MORN1: variants seen among roughly 807,000 people sequenced by gnomAD.
The protein encoded by MORN1 is MORN repeat-containing protein 1.
A neutral mutation model predicts 61.9 loss-of-function variants in MORN1; 67 were observed. That is an observed-to-expected ratio of 1.08 (90% CI 0.89 to 1.33). The LOEUF (loss-of-function observed/expected upper bound fraction) is 1.33. MORN1 is among the 40% of genes most tolerant of loss of function. MORN1 has a pLI of 0.00. For synonymous variants in MORN1, 301 were observed against 292.0 expected (o/e 1.03, Z -0.31); for missense variants, 752 against 691.2 (o/e 1.09, Z -0.99).
intron 1 of MORN1, 106 bp downstream of exon 1, chr1:2,391,352 C>T (rs1642657513): frequency 5.0e-6 from 6 of 1,206,542 alleles, no homozygotes; most frequent in Non-Finnish European, 6.3e-6. Context: ...GCACCTGGAC[C>T]TCTACTTTCC....
Position 2,372,547 on chromosome 1 carries a change from C to G in MORN1, c.679G>C (p.Val227Leu). The change falls in exon 8 of 14, where the codon GTG (valine) becomes CTG (leucine). Residue 227 changes from valine to leucine, a missense_variant. By Grantham distance (32) the Val-to-Leu change is conservative (BLOSUM62 1). Coordinates refer to ENST00000378531, the MANE Select transcript of MORN1 (RefSeq NM_024848.3). This position sits in a 1 kb window ranked among gnomAD's most constrained non-coding sequence, Gnocchi z 5.4. ...IVILGPEVMEVAQGSPFSVNV... is the reference protein window; with the variant it reads ...IVILGPEVMELAQGSPFSVNV... Reference sequence around the variant, plus strand: ...ACCGAGAAGGGAGACCCTTGGGCCACTTCCATCACCTCCGGACCCAAGATC... The same window carrying G: ...ACCGAGAAGGGAGACCCTTGGGCCAGTTCCATCACCTCCGGACCCAAGATC... 1 of 1,613,840 alleles carries G rather than the reference C, an allele frequency of 6.2e-7. No individual in the cohort carries two copies.
intron 13 of MORN1, chr1:2,322,351 G>A (rs553135770): frequency 1.6e-4 from 153 of 985,454 alleles, no homozygotes; most frequent in East Asian, 1.1e-3. Context: ...GAATGCGGCC[G>A]CAGCTGAAAT....
In MORN1 at chr1:2,347,481, C is replaced by T. The variant is rs569165081; in HGVS notation, c.1036+9951G>A. 3.5e-4 allele frequency among the ~76,000 whole-genome samples: 54 copies of T among 152,276 alleles called. No homozygotes were observed. In the South Asian group the frequency reaches 9.3e-3, roughly 26 times the overall value. ...CCAGGGGACACCAGGGAGGAGGATC[C>T]CGAGTGGCTGAGACCCTGGCATCTG... On this transcript the variant is annotated intron_variant, in intron 10 of 13. Coordinates refer to ENST00000378531, the MANE Select transcript of MORN1 (RefSeq NM_024848.3).
At chr1:2,391,372 A>G in intron 1 of MORN1, 86 bp downstream of exon 1, 1 of 1,234,470 alleles carries the variant, frequency 8.1e-7, no homozygotes, top group Non-Finnish European at 1.0e-6. Flanking sequence ...CGAGGTGAGC[A>G]TTTGGGGGTC....
At position 2,336,758 on chromosome 1, in the gene MORN1, G is replaced by A. The variant is rs1395525375; in HGVS notation, c.1129C>T (p.Pro377Ser). 1.2e-6 allele frequency: 2 copies of A among 1,601,176 alleles called. No homozygotes were observed. Among genetic ancestry groups the A allele is most frequent in the African/African-American group, 1.3e-5 (1 of 74,768 alleles). ...FTDVLLGPPP[P>S]GYHPFLFLDS... ...AGGAACAGGAAGGGGTGGTACCCAG[G>A]CGGGGGCGGCCCCAGGAGGACATCT... Residue 377 changes from proline to serine, a missense_variant, in exon 11 of 14, where the codon CCT (proline) becomes TCT (serine). Physicochemically the swap from Pro to Ser is moderately conservative, Grantham distance 74 (BLOSUM62 -1). Coordinates refer to ENST00000378531, the MANE Select transcript of MORN1 (RefSeq NM_024848.3).
chr1:2,348,721 G>GCACGCACACACACGCACGCA (rs1369854720), intron 10 of MORN1, among the ~76,000 whole-genome samples: 1 of 13,894 alleles, frequency 7.2e-5, no homozygotes, highest in Non-Finnish European at 1.3e-4. Flanking sequence ...ACCTGCGCGG[G>GCACGCACACACACGCACGCA]CACGCACACG....
Position 2,334,424 on chromosome 1 carries a change from A to G in MORN1, c.1250+2045T>C, listed in dbSNP as rs1356488094. ...CACCTCCATGCTGGGTTCTCAACCCAGGAGCGGGCAGAGCTTACGGAGAGT... is the reference window on the plus strand; with the variant it reads ...CACCTCCATGCTGGGTTCTCAACCCGGGAGCGGGCAGAGCTTACGGAGAGT... On this transcript the variant is annotated intron_variant, in intron 12 of 13. Transcript: ENST00000378531. The surrounding 1 kb of genome is among the most constrained non-coding windows in gnomAD (Gnocchi z 5.4). Among the ~76,000 whole-genome samples the G allele has an allele frequency of 6.6e-6, 1 of 152,208 alleles. No homozygotes were observed. Among genetic ancestry groups the G allele is most frequent in the Admixed American group, 6.5e-5 (1 of 15,280 alleles).
At chr1:2,348,143 G>A (rs766489566) in intron 10 of MORN1, among the ~76,000 whole-genome samples, 6 of 152,188 alleles carry the variant, frequency 3.9e-5, no homozygotes, top group Non-Finnish European at 8.8e-5. Context: ...GAACATTCCC[G>A]GGCCTTTCCC....
chr1:2,373,450 C>T (rs1389345377), intron 7 of MORN1, among the ~76,000 whole-genome samples: 2 of 152,198 alleles, frequency 1.3e-5, no homozygotes, highest in African/African-American at 2.4e-5. Flanking sequence ...CCTCTTGCCC[C>T]GTTTTTCCCA....
At chr1:2,382,947 G>A (rs1281795539) in intron 6 of MORN1, among the ~76,000 whole-genome samples, 1 of 152,112 alleles carries the variant, frequency 6.6e-6, no homozygotes, top group Non-Finnish European at 1.5e-5. Flanking sequence ...TGCATGCGGA[G>A]GGGAGCCACA....
chr1:2,348,622 C>CGCACGCACACACGCACCTGCGCAG (rs70954597), intron 10 of MORN1, among the ~76,000 whole-genome samples: 6,042 of 150,420 alleles, frequency 0.04, 226 homozygotes, highest in Non-Finnish European at 0.066. Context: ...TAGGCAGGCA[C>CGCACGCACACACGCACCTGCGCAG]GCACGCACAC....
intron 10 of MORN1, among the ~76,000 whole-genome samples, chr1:2,341,464 A>G (rs2843139): frequency 0.87 from 132,063 of 152,174 alleles, 57,584 homozygotes; most frequent in Middle Eastern, 0.95. Flanking sequence ...AGGCCAAAGC[A>G]GGCGGATCAG....
intron 8 of MORN1, chr1:2,371,567 G>A (rs939918994): frequency 6.6e-6 from 1 of 152,294 alleles, no homozygotes; most frequent in African/African-American, 2.4e-5. Flanking sequence ...TGCATTACTG[G>A]TGGGACTGTA....
chr1:2,376,620 T>C (rs1229736592), intron 6 of MORN1: 1 of 152,108 alleles, frequency 6.6e-6, no homozygotes, highest in East Asian at 1.9e-4. Context: ...CTCCCATGGT[T>C]GGTCTGGGGC....
chr1:2,389,844 C>G (rs966951764), intron 2 of MORN1, 81 bp downstream of exon 2: 1 of 1,297,086 alleles, frequency 7.7e-7, no homozygotes, highest in African/African-American at 1.5e-5. Context: ...ATGCCACTTG[C>G]CCACCCAACC....
chr1:2,378,127 T>TCCCA (rs1411654591), intron 6 of MORN1: 1 of 152,370 alleles, frequency 6.6e-6, no homozygotes, highest in Non-Finnish European at 1.5e-5. Flanking sequence ...ACCTCGCTGG[T>TCCCA]CCCATCGCAA....
chr1:2,364,849 T>G (rs1187382310), intron 8 of MORN1, among the ~76,000 whole-genome samples: 4 of 152,136 alleles, frequency 2.6e-5, no homozygotes, highest in African/African-American at 9.7e-5. Context: ...TTTCTCAGGT[T>G]TGTCAAAGAT....
At chr1:2,382,981 C>A (rs560669100) in intron 6 of MORN1, among the ~76,000 whole-genome samples, 1 of 152,282 alleles carries the variant, frequency 6.6e-6, no homozygotes, top group South Asian at 2.1e-4. Context: ...CTGACCACCC[C>A]TCCAGGGGCC....
chr1:2,325,146 C>CCCTTCCTTCCCTCCCTTCCTTCCCTT (rs1640988574), intron 12 of MORN1, among the ~76,000 whole-genome samples: 1 of 19,410 alleles, frequency 5.2e-5, no homozygotes, highest in Non-Finnish European at 9.8e-5. Flanking sequence ...CTCCCTCCCT[C>CCCTTCCTTCCCTCCCTTCCTTCCCTT]CCTTCCTTCC....
Sources: allele counts gnomAD v4.1 joint callset (sites outside exome capture counted in the v4.1 genomes callset), GRCh38; gene constraint gnomAD v4.1.1; non-coding constraint Gnocchi (gnomAD v3.1); transcripts MANE v1.5; gene names NCBI Gene and HGNC (gene_info 2026-07-23, HGNC 2026-07-21).